The following NLK variants were observed in gnomAD, a reference collection of about 807,000 sequenced individuals.
NLK encodes the protein serine/threonine-protein kinase NLK.
NLK carries 11 observed loss-of-function variants against 59.0 expected under a neutral mutation model. The observed-to-expected ratio is 0.19, with a 90% CI of 0.12 to 0.31. NLK has a LOEUF of 0.31. Among genes scored for constraint, NLK ranks in the 10% least tolerant of loss-of-function variants. The pLI, the probability that NLK is intolerant of heterozygous loss-of-function variation, is 1.00. For missense variants in NLK, 410 were observed against 661.1 expected, an observed-to-expected ratio of 0.62 and a Z score of 4.16; for synonymous variants, 235 against 235.9, an observed-to-expected ratio of 1.00 and a Z score of 0.03.
intron 1 of NLK, among the ~76,000 whole-genome samples, chr17:28,077,675 T>G (rs1479455589): frequency 6.6e-6 from 1 of 152,226 alleles, no homozygotes; most frequent in Non-Finnish European, 1.5e-5. Flanking sequence ...CTTGATCAGT[T>G]TGATGCCGAG....
chr17:28,128,705 G>A (rs959020914), intron 2 of NLK, among the ~76,000 whole-genome samples: 30 of 152,202 alleles, frequency 2.0e-4, no homozygotes, highest in Non-Finnish European at 4.4e-5. Context: ...TCCATTGCTA[G>A]TGAGAGCATA....
chr17:28,097,616 A>G (rs1369734629), intron 1 of NLK, among the ~76,000 whole-genome samples: 2 of 152,152 alleles, frequency 1.3e-5, no homozygotes, highest in Non-Finnish European at 2.9e-5. Flanking sequence ...TAAATTATTT[A>G]CCCTAAATAA....
At chr17:28,176,557 T>C (rs1335143607) in intron 7 of NLK, among the ~76,000 whole-genome samples, 1 of 152,202 alleles carries the variant, frequency 6.6e-6, no homozygotes, top group Admixed American at 6.5e-5. Flanking sequence ...ACATGCCTAA[T>C]GTCATAAGCC....
intron 7 of NLK, among the ~76,000 whole-genome samples, chr17:28,179,244 AT>A (rs1181151273): frequency 4.0e-5 from 6 of 149,022 alleles, no homozygotes; most frequent in East Asian, 3.9e-4. Flanking sequence ...TTTAGGGCAT[AT>A]TTTTTTTTTC....
At chr17:28,149,972 A>C (rs773454209) in intron 3 of NLK, among the ~76,000 whole-genome samples, 1 of 152,206 alleles carries the variant, frequency 6.6e-6, no homozygotes, top group Admixed American at 6.5e-5. Context: ...TGGTTTTTGC[A>C]GCATTCGAGT....
intron 1 of NLK, among the ~76,000 whole-genome samples, chr17:28,087,990 A>T (rs1348664105): frequency 6.6e-6 from 1 of 152,222 alleles, no homozygotes; most frequent in East Asian, 1.9e-4. Context: ...GAATGTCAGC[A>T]TCTAGGGAGT....
chr17:28,142,395 A>G (rs1907040905), intron 3 of NLK, among the ~76,000 whole-genome samples: 1 of 152,246 alleles, frequency 6.6e-6, no homozygotes, highest in Admixed American at 6.5e-5. Flanking sequence ...TGATTTCTAT[A>G]GAGAAGCACA....
At chr17:28,158,277 G>A (rs1373251294) in intron 3 of NLK, among the ~76,000 whole-genome samples, 1 of 152,068 alleles carries the variant, frequency 6.6e-6, no homozygotes, top group Non-Finnish European at 1.5e-5. Flanking sequence ...ATATCTAAAC[G>A]TATCTGAACA....
chr17:28,163,657 G>A (rs985014684), intron 5 of NLK, 29 bp downstream of exon 5: 1 of 1,297,868 alleles, frequency 7.7e-7, no homozygotes, highest in Non-Finnish European at 1.1e-6. Flanking sequence ...TAAATACCTG[G>A]GAAAAATCAG....
intron 1 of NLK, among the ~76,000 whole-genome samples, chr17:28,111,570 G>A (rs1462719552): frequency 1.3e-5 from 2 of 152,016 alleles, no homozygotes; most frequent in African/African-American, 2.4e-5. Context: ...AAAACTGGAC[G>A]TATTAGATAA....
At chr17:28,054,792 G>T (rs1032328789) in intron 1 of NLK, among the ~76,000 whole-genome samples, 1 of 152,206 alleles carries the variant, frequency 6.6e-6, no homozygotes, top group South Asian at 2.1e-4. Flanking sequence ...AAGGCTGGGC[G>T]CATTGGCTCA....
chr17:28,084,064 T>C (rs1438414963), intron 1 of NLK, among the ~76,000 whole-genome samples: 1 of 152,316 alleles, frequency 6.6e-6, no homozygotes, highest in East Asian at 1.9e-4. Context: ...TCAAGAAGAC[T>C]AAGGCCCACT....
At chr17:28,043,443 C>T (rs1029140287) in intron 1 of NLK, 112 bp downstream of exon 1, 1 of 967,292 alleles carries the variant, frequency 1.0e-6, no homozygotes, top group Non-Finnish European at 1.5e-6. Context: ...GCAAGCTTCT[C>T]AACCCAACTG....
intron 1 of NLK, among the ~76,000 whole-genome samples, chr17:28,120,235 G>GGGGT (rs1264000431): frequency 1.8e-4 from 25 of 139,086 alleles, no homozygotes; most frequent in Non-Finnish European, 2.5e-4. Flanking sequence ...TTTGGCTTGG[G>GGGGT]GTGTGTGTGT....
At chr17:28,062,318 T>A (rs990064248) in intron 1 of NLK, among the ~76,000 whole-genome samples, 6 of 152,204 alleles carry the variant, frequency 3.9e-5, no homozygotes, top group African/African-American at 1.2e-4. Context: ...GACCATTTCC[T>A]ATCATTTGGT....
At chr17:28,116,632 AT>A (rs1467090077) in intron 1 of NLK, among the ~76,000 whole-genome samples, 7 of 152,174 alleles carry the variant, frequency 4.6e-5, no homozygotes, top group Non-Finnish European at 1.5e-5. Flanking sequence ...ATTCATTAAG[AT>A]TTTTGACGTC....
intron 6 of NLK, among the ~76,000 whole-genome samples, chr17:28,171,755 A>G (rs1350830717): frequency 6.6e-6 from 1 of 152,194 alleles, no homozygotes; most frequent in Non-Finnish European, 1.5e-5. Context: ...CTGTTTGGAA[A>G]GAATAGTCAT....
chr17:28,050,557 C>T (rs555854303), intron 1 of NLK, among the ~76,000 whole-genome samples: 3 of 151,952 alleles, frequency 2.0e-5, no homozygotes, highest in African/African-American at 4.8e-5. Flanking sequence ...GTTAAAACTG[C>T]GAATGGCAAC....
chr17:28,122,469 A>G, intron 1 of NLK, 134 bp from the exon 2 acceptor site: 1 of 877,820 alleles, frequency 1.1e-6, no homozygotes, highest in Non-Finnish European at 1.8e-6. Context: ...CTGACACCTT[A>G]AGCTTCATTA....
Sources: gnomAD v4.1 joint callset for allele counts (sites outside exome capture counted in the v4.1 genomes callset) on GRCh38, gnomAD v4.1.1 for gene constraint, MANE v1.5 for transcripts, NCBI Gene and HGNC (gene_info 2026-07-23, HGNC 2026-07-21) for gene names.